Variants in HPSE2 observed in about 807,000 individuals in gnomAD.
HPSE2 encodes the protein heparanase 2 (inactive), also known as inactive heparanase-2.
A neutral mutation model predicts 60.5 loss-of-function variants in HPSE2; 38 were observed. The observed-to-expected ratio is 0.63, with a 90% CI of 0.48 to 0.82. The LOEUF (loss-of-function observed/expected upper bound fraction) is 0.82, where lower values mean the gene tolerates loss of function less well. Among genes scored for constraint, HPSE2 ranks in the 40% least tolerant of loss-of-function variants. The probability of loss-of-function intolerance (pLI) is 0.00; values close to 1 mark genes in which losing one functional copy is unlikely to be tolerated. For synonymous variants in HPSE2, 295 were observed against 293.2 expected (o/e 1.01, Z -0.06); for missense variants, 713 against 740.4 (o/e 0.96, Z 0.43).
chr10:98,545,792 G>A (rs540976754), intron 9 of HPSE2, among the ~76,000 whole-genome samples: 86 of 149,072 alleles, frequency 5.8e-4, no homozygotes, highest in Non-Finnish European at 9.8e-4. Flanking sequence ...AGTGTTGGAA[G>A]TTCTGGCCAG....
intron 3 of HPSE2, among the ~76,000 whole-genome samples, chr10:99,083,307 T>C (rs1006705999): frequency 2.6e-5 from 4 of 152,218 alleles, no homozygotes; most frequent in African/African-American, 9.6e-5. Flanking sequence ...TGGATTCTCC[T>C]ACTCTATAGA....
chr10:99,230,125 C>T (rs983825097), intron 2 of HPSE2, among the ~76,000 whole-genome samples: 36 of 152,074 alleles, frequency 2.4e-4, no homozygotes, highest in African/African-American at 3.6e-4. Context: ...AAAAGGAGTT[C>T]GGCTAGGAGC....
At chr10:98,887,214 T>A (rs1953191085) in intron 3 of HPSE2, among the ~76,000 whole-genome samples, 1 of 152,158 alleles carries the variant, frequency 6.6e-6, no homozygotes, top group Non-Finnish European at 1.5e-5. Flanking sequence ...TCAACTTTAA[T>A]ACTGACTAAA....
At chr10:99,290,915 A>G in the HPSE2 span, among the ~76,000 whole-genome samples, 1 of 152,226 alleles carries the variant, frequency 6.6e-6, no homozygotes, top group Non-Finnish European at 1.5e-5. Context: ...GGTGTCATCA[A>G]TATTTCTAAT....
chr10:98,892,208 A>G (rs1953354111), intron 3 of HPSE2, among the ~76,000 whole-genome samples: 1 of 152,082 alleles, frequency 6.6e-6, no homozygotes, highest in Non-Finnish European at 1.5e-5. Context: ...AAATTAAGTG[A>G]AAGGGGGAAA....
chr10:98,525,521 T>C (rs1942939119), intron 9 of HPSE2, among the ~76,000 whole-genome samples: 1 of 152,236 alleles, frequency 6.6e-6, no homozygotes, highest in Non-Finnish European at 1.5e-5. Context: ...CAGTGGCTTT[T>C]TGACAATGAA....
intron 3 of HPSE2, among the ~76,000 whole-genome samples, chr10:99,062,559 T>C (rs1020314853): frequency 9.2e-5 from 14 of 152,258 alleles, no homozygotes; most frequent in African/African-American, 3.1e-4. Flanking sequence ...TATCTACTGA[T>C]ACAAGGCCTA....
intron 3 of HPSE2, among the ~76,000 whole-genome samples, chr10:98,904,758 T>C (rs1953762748): frequency 6.6e-6 from 1 of 152,106 alleles, no homozygotes; most frequent in Admixed American, 6.6e-5. Context: ...GAAGAAATTA[T>C]AAGCTAAAGA....
chr10:99,080,665 GAC>G (rs1327089323), intron 3 of HPSE2, among the ~76,000 whole-genome samples: 1 of 152,188 alleles, frequency 6.6e-6, no homozygotes, highest in Non-Finnish European at 1.5e-5. Context: ...TGAGATTTAA[GAC>G]AATACTCAAA....
rs1484248069 is a variant in HPSE2 at position 98,614,970 on chromosome 10, C to T, written c.1254G>A (p.Val418=). Residue 418 remains valine, a synonymous_variant, in exon 9 of 12, where the codon GTG becomes GTA. Transcript: ENST00000370552. ...GMLANQGIDV[V]IRHSFFDHGY... is the part of the protein sequence containing the mutation. Reference sequence around the variant, plus strand: ...CATGGTCAAAAAATGAGTGCCGTATCACGACATCAATGCCCTGATTGGCCA... The same window carrying T: ...CATGGTCAAAAAATGAGTGCCGTATTACGACATCAATGCCCTGATTGGCCA... 7 of 1,613,984 alleles carry T rather than the reference C, an allele frequency of 4.3e-6. No individual in the cohort carries two copies. The highest frequency in any genetic ancestry group is 1.3e-5 in the African/African-American group (1 of 74,904).
intron 4 of HPSE2, among the ~76,000 whole-genome samples, chr10:98,728,052 A>C (rs1389733741): frequency 6.6e-6 from 1 of 152,226 alleles, no homozygotes; most frequent in East Asian, 1.9e-4. Flanking sequence ...GAAATAAAAA[A>C]GGAAGTCATT....
At chr10:98,755,459 T>C (rs1565139485) in intron 3 of HPSE2, among the ~76,000 whole-genome samples, 2 of 152,044 alleles carry the variant, frequency 1.3e-5, no homozygotes, top group South Asian at 2.1e-4. Context: ...TATTAGATCA[T>C]CGAGGCAGAA....
At chr10:98,624,887 G>C (rs1364977277) in intron 7 of HPSE2, among the ~76,000 whole-genome samples, 1 of 152,174 alleles carries the variant, frequency 6.6e-6, no homozygotes, top group Non-Finnish European at 1.5e-5. Context: ...TCCTTCTACG[G>C]TGATGCATGA....
intron 9 of HPSE2, among the ~76,000 whole-genome samples, chr10:98,553,652 C>T (rs1269401963): frequency 2.0e-5 from 3 of 152,210 alleles, no homozygotes; most frequent in Non-Finnish European, 4.4e-5. Flanking sequence ...ACTGCTCAAG[C>T]GCTAATATCA....
chr10:98,721,924 AT>A, intron 4 of HPSE2, 96 bp from the exon 5 acceptor site: 1 of 1,010,184 alleles, frequency 9.9e-7, no homozygotes, highest in African/African-American at 1.7e-5. Context: ...TCTTAATAAT[AT>A]GAAAAAAAAA....
rs1028494168 is a variant in HPSE2 at position 98,889,259 on chromosome 10, T to C, written c.611-145203A>G. ...ATTCTGTCACCCAGGTTGGGCTGAC[T>C]GCAACCTCTGCACCCATGGCTCAAG... On this transcript the variant is annotated intron_variant, in intron 3 of 11. Transcript: ENST00000370552. Among the ~76,000 whole-genome samples the C allele has an allele frequency of 2.6e-5, 4 of 152,084 alleles. No individual in the cohort carries two copies. In the South Asian group the frequency reaches 8.3e-4, roughly 32 times the overall value.
intron 3 of HPSE2, among the ~76,000 whole-genome samples, chr10:99,132,239 G>A (rs1293937089): frequency 1.5e-4 from 8 of 54,228 alleles, no homozygotes; most frequent in African/African-American, 2.5e-4. Flanking sequence ...GAGAGAGAGA[G>A]AGAGAAAGAA....
chr10:99,061,906 T>G (rs571560198), intron 3 of HPSE2, among the ~76,000 whole-genome samples: 1 of 152,260 alleles, frequency 6.6e-6, no homozygotes, highest in Non-Finnish European at 1.5e-5. Flanking sequence ...ATAATTTTGG[T>G]TTTTTCCCCA....
At chr10:98,610,549 G>A (rs1945725411) in intron 9 of HPSE2, among the ~76,000 whole-genome samples, 1 of 152,200 alleles carries the variant, frequency 6.6e-6, no homozygotes. Context: ...CTCAATAAGT[G>A]TGCACTGGGC....
Sources: gnomAD v4.1 joint callset for allele counts (sites outside exome capture counted in the v4.1 genomes callset) on GRCh38, gnomAD v4.1.1 for gene constraint, MANE v1.5 for transcripts, NCBI Gene and HGNC (gene_info 2026-07-23, HGNC 2026-07-21) for gene names.